Variants in LDB2 observed in about 807,000 individuals in gnomAD.
LDB2 encodes LIM domain binding 2, also known as LIM domain-binding protein 2.
Under a neutral mutation model 44.3 loss-of-function variants are expected in LDB2, and 12 were observed. That is an observed-to-expected ratio of 0.27 (90% CI 0.17 to 0.44). The LOEUF (loss-of-function observed/expected upper bound fraction) is 0.44, where lower values mean the gene tolerates loss of function less well. LDB2 is among the 20% of genes least tolerant of loss of function. The pLI, the probability that LDB2 is intolerant of heterozygous loss-of-function variation, is 1.00. For missense variants in LDB2, 344 were observed against 473.5 expected, an observed-to-expected ratio of 0.73 and a Z score of 2.54; for synonymous variants, 164 against 174.8, an observed-to-expected ratio of 0.94 and a Z score of 0.49.
intron 1 of LDB2, among the ~76,000 whole-genome samples, chr4:16,855,076 C>T (rs888706918): frequency 2.0e-5 from 3 of 152,094 alleles, no homozygotes; most frequent in Non-Finnish European, 2.9e-5. Flanking sequence ...AAATAATGCT[C>T]AACCTCAGTA....
intron 2 of LDB2, among the ~76,000 whole-genome samples, chr4:16,637,299 A>ATTTTGTT (rs1733860924): frequency 1.2e-5 from 1 of 85,482 alleles, no homozygotes; most frequent in Non-Finnish European, 2.0e-5. Flanking sequence ...GCCTAGGCTG[A>ATTTTGTT]TTTTTTTTTT....
intron 1 of LDB2, among the ~76,000 whole-genome samples, chr4:16,773,426 CA>C (rs1380421667): frequency 6.6e-6 from 1 of 152,216 alleles, no homozygotes; most frequent in Non-Finnish European, 1.5e-5. Context: ...TGCAATTAGA[CA>C]ATCCCATTGG....
In LDB2 at chr4:16,667,723, G is replaced by A. The variant is rs560263348; in HGVS notation, c.236-71848C>T. Among the ~76,000 whole-genome samples the A allele has an allele frequency of 4.0e-4, 61 of 152,354 alleles. 1 individual carries two copies. In the Middle Eastern group the frequency reaches 0.017, roughly 42 times the overall value. On this transcript the variant is annotated intron_variant, in intron 2 of 7. Coordinates refer to ENST00000304523, the MANE Select transcript of LDB2 (RefSeq NM_001290.5). The stretch of plus-strand genomic sequence containing the variant: ...TGAGAAGGATTCAGAGGCATGCTCA[G>A]GCCTGGAGAAAAGGATTGCTGGGAT...
chr4:16,764,276 C>T (rs1014954046), intron 1 of LDB2, among the ~76,000 whole-genome samples: 19 of 152,094 alleles, frequency 1.2e-4, no homozygotes, highest in Admixed American at 9.2e-4. Context: ...CATGGTTTTC[C>T]TGATAATAAA....
chr4:16,674,276 G>A (rs929589903), intron 2 of LDB2: 6 of 1,288,844 alleles, frequency 4.7e-6, no homozygotes, highest in African/African-American at 4.6e-5. Flanking sequence ...CCGAATCCCC[G>A]AGCTGGTTGC....
chr4:16,640,825 T>C (rs796102372), intron 2 of LDB2, among the ~76,000 whole-genome samples: 15 of 152,326 alleles, frequency 9.8e-5, no homozygotes, highest in African/African-American at 3.6e-4. Context: ...CAATGAACCA[T>C]GTATTTGATA....
In LDB2 at chr4:16,866,523, A is replaced by G. The variant is rs556339872; in HGVS notation, c.132+31831T>C. On this transcript the variant is annotated intron_variant, in intron 1 of 7. Coordinates refer to ENST00000304523, the MANE Select transcript of LDB2 (RefSeq NM_001290.5). ...ATACCCTCAATTGCCAGATGAAGAA[A>G]TTGAGCCTCAAAGGGAAGTGAGTGG... 2.0e-5 allele frequency among the ~76,000 whole-genome samples: 3 copies of G among 152,198 alleles called. No homozygotes were observed. In the East Asian group the frequency reaches 5.8e-4, roughly 29 times the overall value.
chr4:16,668,381 A>G (rs1743874607), intron 2 of LDB2, among the ~76,000 whole-genome samples: 1 of 152,208 alleles, frequency 6.6e-6, no homozygotes, highest in Non-Finnish European at 1.5e-5. Context: ...CTGGGGCGAC[A>G]TAGCACAAGG....
At chr4:16,642,543 C>T (rs1425240733) in intron 2 of LDB2, among the ~76,000 whole-genome samples, 1 of 152,102 alleles carries the variant, frequency 6.6e-6, no homozygotes, top group East Asian at 1.9e-4. Context: ...CACAAAAAAG[C>T]ATGAAGGAAC....
At chr4:16,595,393 G>C (rs1449928348) in intron 3 of LDB2, among the ~76,000 whole-genome samples, 1 of 152,056 alleles carries the variant, frequency 6.6e-6, no homozygotes. Context: ...AGCTATAGTA[G>C]ATCTTTTGTA....
At chr4:16,623,679 A>AT (rs2152484476) in intron 2 of LDB2, among the ~76,000 whole-genome samples, 1 of 152,310 alleles carries the variant, frequency 6.6e-6, no homozygotes, top group East Asian at 1.9e-4. Context: ...AGATACTTGA[A>AT]TAAGTCAATA....
chr4:16,740,022 T>A (rs1762920984), intron 2 of LDB2, among the ~76,000 whole-genome samples: 1 of 151,874 alleles, frequency 6.6e-6, no homozygotes, highest in African/African-American at 2.4e-5. Context: ...CTGAGTTACA[T>A]GAGGGAGGTT....
intron 1 of LDB2, among the ~76,000 whole-genome samples, chr4:16,807,795 A>G (rs922460350): frequency 2.0e-5 from 3 of 152,230 alleles, no homozygotes; most frequent in Non-Finnish European, 2.9e-5. Flanking sequence ...CTTGATTTGC[A>G]TCTATCCTTC....
At chr4:16,625,449 A>T (rs1376318765) in intron 2 of LDB2, among the ~76,000 whole-genome samples, 1 of 152,142 alleles carries the variant, frequency 6.6e-6, no homozygotes, top group Non-Finnish European at 1.5e-5. Flanking sequence ...ATGAGACTGT[A>T]AGCTCTTTGA....
intron 5 of LDB2, among the ~76,000 whole-genome samples, chr4:16,564,828 A>G (rs1458586473): frequency 1.3e-5 from 2 of 152,224 alleles, no homozygotes; most frequent in Admixed American, 6.5e-5. Context: ...CACAACTTTT[A>G]AAAGTGAAAT....
At chr4:16,538,182 T>G (rs938036045) in intron 5 of LDB2, among the ~76,000 whole-genome samples, 11 of 152,066 alleles carry the variant, frequency 7.2e-5, no homozygotes, top group Non-Finnish European at 1.3e-4. Context: ...AAGACAAAAG[T>G]GTAATCACTC....
intron 5 of LDB2, among the ~76,000 whole-genome samples, chr4:16,518,516 C>A (rs1724739933): frequency 6.6e-6 from 1 of 151,232 alleles, no homozygotes; most frequent in African/African-American, 2.4e-5. Context: ...GGCCTTCTCT[C>A]CTCTTTCTCA....
chr4:16,816,992 T>A (rs1230034199), intron 1 of LDB2, among the ~76,000 whole-genome samples: 2 of 152,182 alleles, frequency 1.3e-5, no homozygotes, highest in Non-Finnish European at 2.9e-5. Flanking sequence ...CCACCCTGTA[T>A]TATTTTTATT....
intron 2 of LDB2, among the ~76,000 whole-genome samples, chr4:16,637,172 T>G (rs1733820977): frequency 6.6e-6 from 1 of 152,192 alleles, no homozygotes; most frequent in Admixed American, 6.5e-5. Flanking sequence ...CAAATTCTAC[T>G]TTTGTGGAGT....
Sources: allele counts gnomAD v4.1 joint callset (sites outside exome capture counted in the v4.1 genomes callset), GRCh38; gene constraint gnomAD v4.1.1; transcripts MANE v1.5; gene names NCBI Gene and HGNC (gene_info 2026-07-23, HGNC 2026-07-21).